ENTPD3: variants seen among roughly 807,000 people sequenced by gnomAD.
ENTPD3 encodes CD39 antigen-like 3.
In ENTPD3, 60 loss-of-function variants were observed where a neutral mutation model predicts 51.2. The ratio of observed to expected loss-of-function variants is 1.17; its 90% CI spans 0.95 to 1.45. ENTPD3 has a LOEUF of 1.45. Ranked by LOEUF, ENTPD3 falls within the 40% of genes most tolerant of loss-of-function variation. ENTPD3 has a pLI of 0.00. For missense variants in ENTPD3, 593 were observed against 641.1 expected (o/e 0.93, Z 0.81); for synonymous variants, 221 against 238.4 (o/e 0.93, Z 0.67).
chr3:40,414,810 A>T lies in ENTPD3; in HGVS notation c.567A>T (p.Thr189=). ...AAGAAGGGGTATATGGATGGATTACAGCCAACTATTTAATGGGAAATTTCC... is the reference window on the plus strand; with the variant it reads ...AAGAAGGGGTATATGGATGGATTACTGCCAACTATTTAATGGGAAATTTCC... ...GQEEGVYGWI[T]ANYLMGNFLE... The change falls in exon 6 of 11, where the codon ACA becomes ACT. Residue 189 remains threonine (T), a synonymous_variant. Coordinates refer to ENST00000301825, the MANE Select transcript of ENTPD3 (RefSeq NM_001248.4). The T allele has an allele frequency of 6.2e-7, 1 of 1,614,074 alleles. No homozygotes were observed. Among genetic ancestry groups the T allele is most frequent in the South Asian group, 1.1e-5 (1 of 91,070 alleles).
intron 3 of ENTPD3, among the ~76,000 whole-genome samples, chr3:40,396,556 TG>T (rs1955205265): frequency 1.3e-5 from 2 of 152,168 alleles, no homozygotes; most frequent in African/African-American, 4.8e-5. Flanking sequence ...TGTGAGGTTA[TG>T]GTCAGAACTA....
At chr3:40,426,339 C>T (rs993815442) in intron 10 of ENTPD3, among the ~76,000 whole-genome samples, 3 of 151,952 alleles carry the variant, frequency 2.0e-5, no homozygotes, top group African/African-American at 7.2e-5. Flanking sequence ...AACTCCTGAC[C>T]TCAGGTGATC....
chr3:40,402,118 TTTTTC>T (rs1955373719), intron 4 of ENTPD3, among the ~76,000 whole-genome samples: 1 of 65,924 alleles, frequency 1.5e-5, no homozygotes, highest in Admixed American at 1.7e-4. Flanking sequence ...TTCCTTTTTT[TTTTTC>T]TTTTTTTTTT....
At chr3:40,414,974 A>G (rs530080028) in intron 6 of ENTPD3, 134 bp downstream of exon 6, 1 of 886,052 alleles carries the variant, frequency 1.1e-6, no homozygotes, top group Admixed American at 2.1e-5. Context: ...CATTAGGGAA[A>G]TACCTATGAG....
At chr3:40,403,903 C>G (rs1020427771) in intron 4 of ENTPD3, among the ~76,000 whole-genome samples, 1 of 152,134 alleles carries the variant, frequency 6.6e-6, no homozygotes, top group Non-Finnish European at 1.5e-5. Context: ...CCTGCCTCAG[C>G]CTCCCAAAGT....
rs756159226 is a variant in ENTPD3 at position 40,400,950 on chromosome 3, GC to G, written c.227del (p.Pro76GlnfsTer19). ...SRTTVYVYQW[P>X]AEKENNTGVV... ...GAACCACAGTCTACGTGTATCAATG[GC>G]CAGCAGAAAAAGAGAATAATACCGG... On this transcript the variant is annotated frameshift_variant, in exon 4 of 11. Coordinates refer to ENST00000301825, the MANE Select transcript of ENTPD3 (RefSeq NM_001248.4). LOFTEE classifies it high-confidence loss of function. 117 of 1,613,718 alleles carry G rather than the reference GC, an allele frequency of 7.3e-5. No individual in the cohort carries two copies. Among genetic ancestry groups the G allele is most frequent in the Non-Finnish European group, 9.6e-5 (113 of 1,180,024 alleles).
At position 40,427,603 on chromosome 3, in the gene ENTPD3, A is replaced by G. The variant is rs1285813793; in HGVS notation, c.*95A>G. On this transcript the variant is annotated 3_prime_UTR_variant, in exon 11 of 11. Transcript: ENST00000301825. ...TGAAGTGGCTGCCTTCAGGAAATAC[A>G]ACTAACTAAAATCAAACACCTAGGT... The G allele has an allele frequency of 2.2e-6, 2 of 906,156 alleles. No individual in the cohort carries two copies. Among genetic ancestry groups the G allele is most frequent in the African/African-American group, 1.7e-5 (1 of 60,332 alleles). 56.1% of individuals were successfully genotyped at this position (906,156 alleles called of 1,614,324 possible). A position where few individuals can be genotyped will look rare whatever the true frequency, so the allele number is the denominator to read the frequency against.
intron 10 of ENTPD3, chr3:40,425,048 G>T: frequency 3.3e-6 from 1 of 298,770 alleles, no homozygotes; most frequent in South Asian, 6.7e-5. Flanking sequence ...AGTTTGAGTT[G>T]ACATAATATT....
chr3:40,391,969 C>T (rs982400004), intron 2 of ENTPD3, 54 bp from the exon 3 acceptor site: 30 of 1,605,546 alleles, frequency 1.9e-5, no homozygotes, highest in Non-Finnish European at 2.4e-5. Flanking sequence ...CAAAGAATAC[C>T]AGTGCCTGGT....
At chr3:40,406,648 G>A (rs573658316) in intron 4 of ENTPD3, among the ~76,000 whole-genome samples, 12 of 152,198 alleles carry the variant, frequency 7.9e-5, no homozygotes, top group East Asian at 1.9e-4. Flanking sequence ...TTTGTCTCCC[G>A]GGAAACATTT....
intron 5 of ENTPD3, among the ~76,000 whole-genome samples, chr3:40,412,766 C>T (rs1955664317): frequency 6.6e-6 from 1 of 152,170 alleles, no homozygotes; most frequent in African/African-American, 2.4e-5. Context: ...GCTCCTTTAA[C>T]ATGATAATGA....
intron 10 of ENTPD3, among the ~76,000 whole-genome samples, chr3:40,425,618 C>T (rs915918005): frequency 2.0e-5 from 3 of 151,282 alleles, no homozygotes; most frequent in African/African-American, 7.3e-5. Flanking sequence ...TTAAAAAAGC[C>T]GGGTGCTGTG....
At chr3:40,412,118 A>G (rs41286044) in intron 5 of ENTPD3, among the ~76,000 whole-genome samples, 156 bp downstream of exon 5, 3,434 of 152,294 alleles carry the variant, frequency 0.023, 78 homozygotes, top group Non-Finnish European at 0.031. Context: ...AGGTTGGGAA[A>G]CTTTTAGTTT....
At chr3:40,407,145 GTT>G (rs1049572469) in intron 4 of ENTPD3, among the ~76,000 whole-genome samples, 1 of 152,162 alleles carries the variant, frequency 6.6e-6, no homozygotes, top group African/African-American at 2.4e-5. Context: ...AGCTTAAAGA[GTT>G]TGGTTTTGGG....
In ENTPD3 at chr3:40,390,684, AAATTATAC is replaced by A. The variant is rs529541977; in HGVS notation, c.41-1338_41-1331del. On this transcript the variant is annotated intron_variant, in intron 2 of 10. Transcript: ENST00000301825. ...AAGTTTATAATGTTTTTTTAAAAGG[AAATTATAC>A]CTAAGACACTGATTTGCTTTCATTT... Among the ~76,000 whole-genome samples, 100 of 152,290 alleles carry A rather than the reference AAATTATAC, an allele frequency of 6.6e-4. 1 individual carries two copies. In the South Asian group the frequency reaches 0.02, roughly 31 times the overall value.
intron 6 of ENTPD3, among the ~76,000 whole-genome samples, chr3:40,415,541 C>T (rs1955725581): frequency 6.6e-6 from 1 of 152,176 alleles, no homozygotes. Context: ...AGTAGACTCA[C>T]ATTCCTGCAC....
intron 3 of ENTPD3, 37 bp from the exon 4 acceptor site, chr3:40,400,857 C>G: frequency 6.5e-7 from 1 of 1,540,030 alleles, no homozygotes; most frequent in East Asian, 2.2e-5. Context: ...CAGAGGAGTC[C>G]CGCCCATTCT....
At position 40,423,787 on chromosome 3, in the gene ENTPD3, C is replaced by T. The variant is rs751464747; in HGVS notation, c.1216-39C>T. On this transcript the variant is annotated intron_variant, in intron 9 of 10. Transcript: ENST00000301825. ...CCCAAGGTGTTCATTTTAAAACATA[C>T]CTGCCTGCCCTGCCTCTCAGATGTT... 9.3e-6 allele frequency: 15 copies of T among 1,604,360 alleles called. No homozygotes were observed. The Admixed American group carries it at 2.5e-4, about 27-fold the overall frequency.
At chr3:40,391,204 T>A (rs1313913740) in intron 2 of ENTPD3, 1 of 151,952 alleles carries the variant, frequency 6.6e-6, no homozygotes, top group African/African-American at 2.4e-5. Flanking sequence ...CCTCAAGTGA[T>A]CCACCCACTT....
Sources: gnomAD v4.1 joint callset for allele counts (sites outside exome capture counted in the v4.1 genomes callset) on GRCh38, gnomAD v4.1.1 for gene constraint, MANE v1.5 for transcripts, NCBI Gene and HGNC (gene_info 2026-07-23, HGNC 2026-07-21) for gene names.